Variants in SPPL3 observed in about 807,000 individuals in gnomAD.
The protein encoded by SPPL3 is signal peptide peptidase-like 3.
SPPL3 carries 5 observed loss-of-function variants against 42.4 expected under a neutral mutation model. The ratio of observed to expected loss-of-function variants is 0.12; its 90% confidence interval spans 0.06 to 0.25. The LOEUF (loss-of-function observed/expected upper bound fraction) is 0.25, where lower values mean the gene tolerates loss of function less well. SPPL3 is among the 10% of genes least tolerant of loss of function. SPPL3 has a pLI of 1.00. For synonymous variants in SPPL3, 195 were observed against 181.8 expected (o/e 1.07, Z -0.58); for missense variants, 235 against 489.0 (o/e 0.48, Z 4.90).
chr12:120,875,833 G>A (rs1296439455), intron 1 of SPPL3, among the ~76,000 whole-genome samples: 1 of 151,958 alleles, frequency 6.6e-6, no homozygotes, highest in Admixed American at 6.6e-5. Flanking sequence ...AGTAAGATCC[G>A]GCCACATGCT....
At chr12:120,802,880 C>T (rs1311236178) in intron 2 of SPPL3, among the ~76,000 whole-genome samples, 1 of 152,158 alleles carries the variant, frequency 6.6e-6, no homozygotes, top group African/African-American at 2.4e-5. Context: ...ATCCTGTTGC[C>T]CACTGTGCAC....
chr12:120,875,650 G>C (rs896017405), intron 1 of SPPL3, among the ~76,000 whole-genome samples: 3 of 150,502 alleles, frequency 2.0e-5, no homozygotes, highest in African/African-American at 2.4e-5. Context: ...AGATAAAATG[G>C]AATCACAAAA....
intron 1 of SPPL3, among the ~76,000 whole-genome samples, chr12:120,832,921 A>G (rs1367917832): frequency 6.6e-6 from 1 of 152,218 alleles, no homozygotes; most frequent in African/African-American, 2.4e-5. Flanking sequence ...TATTTTAGGC[A>G]CCACATCAGC....
Position 120,763,578 on chromosome 12 carries a change from A to T in SPPL3, c.*1421T>A, listed in dbSNP as rs1387900085. 6 of 152,774 alleles carry T rather than the reference A, an allele frequency of 3.9e-5. No individual in the cohort carries two copies. The highest frequency in any genetic ancestry group is 8.8e-5 in the Non-Finnish European group (6 of 68,108). 9.5% of individuals were successfully genotyped at this position (152,774 alleles called of 1,614,324 possible). A position where few individuals can be genotyped will look rare whatever the true frequency, so the allele number is the denominator to read the frequency against. On this transcript the variant is annotated 3_prime_UTR_variant, in exon 11 of 11. Coordinates refer to ENST00000353487, the MANE Select transcript of SPPL3 (RefSeq NM_139015.5). ...CTTACCAGGCAGGGGCTGCTTAGGT[A>T]AAGGTCAGCAGACCTAACACTAGTT...
At position 120,811,287 on chromosome 12, in the gene SPPL3, G is replaced by A. The variant is rs74365583; in HGVS notation, c.24-401C>T. The A allele has an allele frequency of 3.3e-3, 520 of 155,902 alleles. 3 individuals carry two copies. Among genetic ancestry groups the A allele is most frequent in the African/African-American group, 0.012 (500 of 41,540 alleles). The allele number at this position is 155,902 out of a possible 1,614,324, so 9.7% of individuals were successfully genotyped here. On this transcript the variant is annotated intron_variant, in intron 1 of 10. Coordinates refer to ENST00000353487, the MANE Select transcript of SPPL3 (RefSeq NM_139015.5). ...TAATAGTATTTTACTGGTTTTGCTC[G>A]GTGATGAGGTAAAGCCTGCATCTCC... is the stretch of plus-strand genomic sequence containing the variant.
chr12:120,764,574 C>T lies in SPPL3; in HGVS notation c.*425G>A, dbSNP rs186571234. 13 of 285,608 alleles carry T rather than the reference C, an allele frequency of 4.6e-5. No homozygotes were observed. The highest frequency in any genetic ancestry group is 1.9e-3 in the Middle Eastern group (2 of 1,040). 17.7% of individuals were successfully genotyped at this position (285,608 alleles called of 1,614,324 possible). A position where few individuals can be genotyped will look rare whatever the true frequency, so the allele number is the denominator to read the frequency against. ...CTGAGTCCCCTATAGGAAACTGGTC[C>T]CAAAGTTCTCGAGGGGTCATTGAAG... On this transcript the variant is annotated 3_prime_UTR_variant, in exon 11 of 11. Transcript: ENST00000353487.
At chr12:120,833,061 T>C (rs1209342848) in intron 1 of SPPL3, among the ~76,000 whole-genome samples, 3 of 152,166 alleles carry the variant, frequency 2.0e-5, no homozygotes, top group Non-Finnish European at 4.4e-5. Context: ...ATAAGCACTA[T>C]AGGAGTTCAG....
intron 1 of SPPL3, among the ~76,000 whole-genome samples, chr12:120,822,447 A>G (rs1284984040): frequency 2.0e-5 from 3 of 152,234 alleles, no homozygotes; most frequent in East Asian, 1.9e-4. Context: ...CATCCCTACA[A>G]TTCCAAAATC....
chr12:120,781,554 CGTTTT>C (rs1566039992), intron 6 of SPPL3, among the ~76,000 whole-genome samples: 5 of 69,168 alleles, frequency 7.2e-5, no homozygotes, highest in South Asian at 3.8e-4. Context: ...CTTATTGTTA[CGTTTT>C]TTTTTTTTTT....
intron 1 of SPPL3, among the ~76,000 whole-genome samples, chr12:120,829,307 G>A (rs1249921254): frequency 6.6e-6 from 1 of 152,124 alleles, no homozygotes; most frequent in African/African-American, 2.4e-5. Flanking sequence ...AATAAAAGCT[G>A]CTCTTTGGCT....
chr12:120,818,910 AC>A (rs1166120187), intron 1 of SPPL3, among the ~76,000 whole-genome samples: 1 of 152,258 alleles, frequency 6.6e-6, no homozygotes, highest in Non-Finnish European at 1.5e-5. Flanking sequence ...ACAAAACAGA[AC>A]AAAAAAATTA....
intron 1 of SPPL3, among the ~76,000 whole-genome samples, chr12:120,831,899 G>T (rs590978): frequency 0.99 from 151,154 of 152,322 alleles, 75,016 homozygotes; most frequent in Middle Eastern, 1. Context: ...CCAGTCCTGT[G>T]CCTACTGCAG....
At chr12:120,862,238 T>G (rs571665680) in intron 1 of SPPL3, among the ~76,000 whole-genome samples, 7 of 152,366 alleles carry the variant, frequency 4.6e-5, no homozygotes, top group Admixed American at 2.0e-4. Context: ...ATTTCTATGA[T>G]CTGTTTCTAC....
intron 3 of SPPL3, among the ~76,000 whole-genome samples, chr12:120,786,138 T>C (rs540684163): frequency 1.3e-4 from 20 of 152,276 alleles, no homozygotes; most frequent in African/African-American, 4.8e-4. Flanking sequence ...AGTGAAGTAA[T>C]TCACTTAGGA....
chr12:120,778,766 T>C (rs1244932562), intron 6 of SPPL3, among the ~76,000 whole-genome samples: 1 of 152,196 alleles, frequency 6.6e-6, no homozygotes, highest in Non-Finnish European at 1.5e-5. Flanking sequence ...TTCAAATCAT[T>C]GTACTGGTCA....
At chr12:120,853,987 C>CACACACACACAT (rs1566061395) in intron 1 of SPPL3, among the ~76,000 whole-genome samples, 1 of 37,804 alleles carries the variant, frequency 2.6e-5, no homozygotes, top group Non-Finnish European at 6.5e-5. Context: ...CACACATACA[C>CACACACACACAT]ACACACACAC....
At chr12:120,799,576 G>A (rs1258139575) in intron 2 of SPPL3, among the ~76,000 whole-genome samples, 4 of 152,158 alleles carry the variant, frequency 2.6e-5, no homozygotes, top group Non-Finnish European at 5.9e-5. Context: ...ATCAGATGGT[G>A]GGGGAGGGTG....
At chr12:120,856,120 G>A (rs1006892315) in intron 1 of SPPL3, among the ~76,000 whole-genome samples, 1 of 152,174 alleles carries the variant, frequency 6.6e-6, no homozygotes, top group African/African-American at 2.4e-5. Context: ...ATCTGTAGTT[G>A]TACTTAATTT....
chr12:120,789,824 C>CAAAAAAAAAAAAAAAA lies in SPPL3; in HGVS notation c.190+1629_190+1644dup, dbSNP rs3050392. 2.3e-4 allele frequency among the ~76,000 whole-genome samples: 7 copies of CAAAAAAAAAAAAAAAA among 30,462 alleles called. 1 individual carries two copies. In the East Asian group the frequency reaches 5.6e-3, roughly 25 times the overall value. The allele number at this position is 30,462 out of a possible 152,430, so 20.0% of individuals were successfully genotyped here. On this transcript the variant is annotated intron_variant, in intron 3 of 10. Transcript: ENST00000353487. Reference sequence around the variant, plus strand: ...TGAATGACAGAGCAAGACTCCGTCTCAAAAAAAAAAAAAAAAAAAAAAAAA... The same window carrying CAAAAAAAAAAAAAAAA: ...TGAATGACAGAGCAAGACTCCGTCTCAAAAAAAAAAAAAAAAAAAAAAAAAAAAAAAAAAAAAAAAA...
Sources: allele counts gnomAD v4.1 joint callset (sites outside exome capture counted in the v4.1 genomes callset), GRCh38; gene constraint gnomAD v4.1.1; transcripts MANE v1.5; gene names NCBI Gene and HGNC (gene_info 2026-07-23, HGNC 2026-07-21).